DSG3: variants seen among roughly 807,000 people sequenced by gnomAD.
The protein encoded by DSG3 is desmoglein-3.
In DSG3, 63 loss-of-function variants were observed where a neutral mutation model predicts 85.9. The ratio of observed to expected loss-of-function variants is 0.73; its 90% CI spans 0.60 to 0.90. The LOEUF is 0.90. DSG3 is among the 40% of genes least tolerant of loss of function. The pLI, the probability that DSG3 is intolerant of heterozygous loss-of-function variation, is 0.00. For synonymous variants in DSG3, 447 were observed against 441.9 expected (o/e 1.01, Z -0.14); for missense variants, 1,220 against 1,219.9 (o/e 1.00, Z 0.00).
Position 31,465,365 on chromosome 18 carries a change from A to T in DSG3, c.1319A>T (p.Lys440Ile), listed in dbSNP as rs917449126. ...GGTGGATACCTAATGATTGATTCAA[A>T]AACTGCTGAAATCAAATTTGTCAAA... ...NDGGYLMIDS[K>I]TAEIKFVKNM... is the part of the protein sequence containing the mutation. The change falls in exon 10 of 16, where the codon AAA (lysine) becomes ATA (isoleucine). Residue 440 changes from lysine to isoleucine, a missense_variant. Physicochemically the swap from Lys to Ile is moderately radical, Grantham distance 102. Coordinates refer to ENST00000257189, the MANE Select transcript of DSG3 (RefSeq NM_001944.3). The T allele has an allele frequency of 3.9e-6, 6 of 1,542,242 alleles. No individual in the cohort carries two copies. Among genetic ancestry groups the T allele is most frequent in the South Asian group, 1.3e-5 (1 of 74,984 alleles).
intron 1 of DSG3, among the ~76,000 whole-genome samples, chr18:31,453,533 A>G (rs546618235): frequency 4.6e-5 from 7 of 152,210 alleles, no homozygotes; most frequent in Non-Finnish European, 1.0e-4. Flanking sequence ...ACAACCATAT[A>G]CATTTTTATT....
rs527294066 is a variant in DSG3 at position 31,474,419 on chromosome 18, A to G, written c.2385+15A>G. 1 of 1,587,522 alleles carries G rather than the reference A, an allele frequency of 6.3e-7. No individual in the cohort carries two copies. The highest frequency in any genetic ancestry group is 1.1e-5 in the South Asian group (1 of 87,770). On this transcript the variant is annotated intron_variant, in intron 15 of 15. Coordinates refer to ENST00000257189, the MANE Select transcript of DSG3 (RefSeq NM_001944.3). ...ACTTTTCTCAGGTAATTTGGTGAAAAACTTTGTGGCTTGATTATCTTATTT... is the reference window on the plus strand; with the variant it reads ...ACTTTTCTCAGGTAATTTGGTGAAAGACTTTGTGGCTTGATTATCTTATTT...
At chr18:31,469,445 A>G (rs1210923854) in intron 12 of DSG3, 96 bp downstream of exon 12, 116 of 1,499,138 alleles carry the variant, frequency 7.7e-5, no homozygotes, top group Non-Finnish European at 1.0e-4. Flanking sequence ...GGGAAAGAAT[A>G]TTCTCTGATG....
chr18:31,448,236 T>C (rs554309640), intron 1 of DSG3, among the ~76,000 whole-genome samples: 153 of 152,334 alleles, frequency 1.0e-3, no homozygotes, highest in Non-Finnish European at 1.9e-3. Flanking sequence ...TTTAAAGTTA[T>C]GCTTTTACTA....
chr18:31,448,809 A>G (rs1429498498), intron 1 of DSG3, among the ~76,000 whole-genome samples: 4 of 145,746 alleles, frequency 2.7e-5, no homozygotes, highest in African/African-American at 1.0e-4. Context: ...AATTTACCTC[A>G]TTTCTTCATG....
intron 1 of DSG3, among the ~76,000 whole-genome samples, chr18:31,452,764 A>T (rs2072719450): frequency 6.6e-6 from 1 of 152,168 alleles, no homozygotes. Flanking sequence ...CCCAAGTTAT[A>T]TGCTAGTACA....
chr18:31,448,629 C>T (rs1353743312), intron 1 of DSG3, among the ~76,000 whole-genome samples: 1 of 148,556 alleles, frequency 6.7e-6, no homozygotes, highest in Non-Finnish European at 1.5e-5. Flanking sequence ...TACAGACTAA[C>T]TTACTCCTTA....
At chr18:31,467,632 G>A (rs1171168082) in intron 11 of DSG3, among the ~76,000 whole-genome samples, 1 of 152,166 alleles carries the variant, frequency 6.6e-6, no homozygotes, top group Admixed American at 6.5e-5. Context: ...TTCCAGAAGT[G>A]TCATAGAAAT....
intron 14 of DSG3, among the ~76,000 whole-genome samples, chr18:31,473,373 T>C (rs1300896597): frequency 1.3e-5 from 2 of 152,224 alleles, no homozygotes; most frequent in Non-Finnish European, 2.9e-5. Context: ...TTTTACCAAG[T>C]GGCTATTGCA....
intron 1 of DSG3, among the ~76,000 whole-genome samples, chr18:31,450,404 T>A (rs556157704): frequency 6.6e-6 from 1 of 152,306 alleles, no homozygotes; most frequent in South Asian, 2.1e-4. Flanking sequence ...AGGGTCAGAT[T>A]GAAAAGTGCA....
At chr18:31,455,126 A>C (rs996523353) in intron 1 of DSG3, among the ~76,000 whole-genome samples, 1 of 152,028 alleles carries the variant, frequency 6.6e-6, no homozygotes, top group African/African-American at 2.4e-5. Context: ...CAAAGTATTC[A>C]TTCCCTTGCA....
At chr18:31,466,310 C>T (rs2072817812) in intron 10 of DSG3, among the ~76,000 whole-genome samples, 2 of 152,092 alleles carry the variant, frequency 1.3e-5, no homozygotes, top group Admixed American at 6.5e-5. Context: ...AATTAATTCT[C>T]AATTAATTAT....
intron 6 of DSG3, 60 bp from the exon 7 acceptor site, chr18:31,460,773 A>G: frequency 3.6e-6 from 5 of 1,385,104 alleles, no homozygotes; most frequent in Non-Finnish European, 4.9e-6. Flanking sequence ...GGAATCAAGT[A>G]GTTTCCATTT....
In DSG3 at chr18:31,449,101, T is replaced by A. The variant is rs2072695926; in HGVS notation, c.48+1176T>A. Among the ~76,000 whole-genome samples, 2 of 152,192 alleles carry A rather than the reference T, an allele frequency of 1.3e-5. 1 individual carries two copies. Among genetic ancestry groups the A allele is most frequent in the South Asian group, 4.1e-4 (2 of 4,832 alleles). On this transcript the variant is annotated intron_variant, in intron 1 of 15. Transcript: ENST00000257189. The stretch of plus-strand genomic sequence containing the variant: ...TTAGTAGAGATGGGGTTTTGCCATG[T>A]TGACCAGTCTAGTCTCAAACTCCTA...
chr18:31,463,971 C>A, intron 8 of DSG3, 140 bp from the exon 9 acceptor site: 1 of 816,842 alleles, frequency 1.2e-6, no homozygotes, highest in Non-Finnish European at 1.9e-6. Flanking sequence ...CTCAACATTA[C>A]AATAATTTCT....
At chr18:31,450,635 G>A (rs527887502) in intron 1 of DSG3, among the ~76,000 whole-genome samples, 8 of 152,252 alleles carry the variant, frequency 5.3e-5, no homozygotes, top group African/African-American at 1.7e-4. Context: ...CCAGAACAGT[G>A]AGAAATAATA....
At chr18:31,467,479 G>A (rs2072829340) in intron 11 of DSG3, among the ~76,000 whole-genome samples, 1 of 152,238 alleles carries the variant, frequency 6.6e-6, no homozygotes, top group Non-Finnish European at 1.5e-5. Flanking sequence ...GGCTCACAGG[G>A]AGTGCCGCTT....
In DSG3 at chr18:31,469,176, G is replaced by A. The variant is rs780923918; in HGVS notation, c.1724G>A (p.Arg575Gln). 6.1e-5 allele frequency: 99 copies of A among 1,614,002 alleles called. No homozygotes were observed. The highest frequency in any genetic ancestry group is 7.4e-5 in the Non-Finnish European group (87 of 1,180,036). Residue 575 changes from arginine (R) to glutamine (Q), a missense_variant, in exon 12 of 16, where the codon CGG becomes CAG. Transcript: ENST00000257189. Reference protein sequence around the residue: ...SLVLTDSQNNRCEMPRSLTLE... With the variant: ...SLVLTDSQNNQCEMPRSLTLE... The stretch of plus-strand genomic sequence containing the variant: ...GTACTTACAGACAGTCAGAACAATC[G>A]GTGTGAGATGCCACGCAGCTTGACA...
intron 1 of DSG3, among the ~76,000 whole-genome samples, chr18:31,453,624 A>G (rs2072724418): frequency 1.3e-5 from 2 of 152,170 alleles, no homozygotes; most frequent in African/African-American, 4.8e-5. Context: ...TTTTGATAAT[A>G]TTTGTAATTC....
Sources: allele counts gnomAD v4.1 joint callset (sites outside exome capture counted in the v4.1 genomes callset), GRCh38; gene constraint gnomAD v4.1.1; transcripts MANE v1.5; gene names NCBI Gene and HGNC (gene_info 2026-07-23, HGNC 2026-07-21).